Variants in MOGAT1 observed in about 807,000 individuals in gnomAD.
The protein encoded by MOGAT1 is monoacylglycerol O-acyltransferase 1.
In MOGAT1, 32 loss-of-function variants were observed where a neutral mutation model predicts 31.4. The ratio of observed to expected loss-of-function variants is 1.02; its 90% CI spans 0.77 to 1.37. The LOEUF (loss-of-function observed/expected upper bound fraction) is 1.37, where lower values mean the gene tolerates loss of function less well. Among genes scored for constraint, MOGAT1 ranks in the 40% most tolerant of loss-of-function variants. MOGAT1 has a pLI of 0.00. For missense variants in MOGAT1, 426 were observed against 402.0 expected (o/e 1.06, Z -0.51); for synonymous variants, 145 against 144.5 (o/e 1.00, Z -0.03).
intron 5 of MOGAT1, among the ~76,000 whole-genome samples, chr2:222,704,583 C>T (rs540135904): frequency 5.7e-4 from 86 of 151,880 alleles, no homozygotes; most frequent in African/African-American, 2.0e-3. Context: ...GAGATCGCGC[C>T]ACTGCACTCC....
At chr2:222,696,007 C>G (rs1341367360) in intron 5 of MOGAT1, among the ~76,000 whole-genome samples, 1 of 152,220 alleles carries the variant, frequency 6.6e-6, no homozygotes, top group Non-Finnish European at 1.5e-5. Context: ...TGAGTGAGAA[C>G]ATACGATGTT....
chr2:222,704,397 G>A (rs1253285087), intron 5 of MOGAT1, among the ~76,000 whole-genome samples: 2 of 152,080 alleles, frequency 1.3e-5, no homozygotes, highest in Non-Finnish European at 2.9e-5. Flanking sequence ...GGCTGAGGCG[G>A]GTAGATCACG....
At chr2:222,709,306 GT>G (rs376645774) in intron 5 of MOGAT1, among the ~76,000 whole-genome samples, 26 of 152,300 alleles carry the variant, frequency 1.7e-4, no homozygotes, top group African/African-American at 6.3e-4. Context: ...GGGTGACAGA[GT>G]AAGACTCTGT....
In MOGAT1 at chr2:222,689,282, T is replaced by C. The variant is rs1692723695; in HGVS notation, c.291T>C (p.Asp97=). The change falls in exon 3 of 6, where the codon GAT becomes GAC. Residue 97 remains aspartate, a synonymous_variant. Coordinates refer to ENST00000446656, the MANE Select transcript of MOGAT1 (RefSeq NM_058165.3). Reference sequence around the variant, plus strand: ...TGCTGTAGCTTATCAAAACTCAAGATTTGGATCCAAGTCACAACTATATAT... The same window carrying C: ...TGCTGTAGCTTATCAAAACTCAAGACTTGGATCCAAGTCACAACTATATAT... ...YFPIHLIKTQ[D]LDPSHNYIFG... 6.2e-7 allele frequency: 1 copy of C among 1,613,586 alleles called. No individual in the cohort carries two copies. The highest frequency in any genetic ancestry group is 8.5e-7 in the Non-Finnish European group (1 of 1,179,618).
At chr2:222,684,618 C>G (rs1012953730) in intron 1 of MOGAT1, among the ~76,000 whole-genome samples, 1 of 151,968 alleles carries the variant, frequency 6.6e-6, no homozygotes, top group East Asian at 1.9e-4. Context: ...GCCCTGTCAC[C>G]CGGGCTGAAG....
chr2:222,703,256 C>A (rs1207892475), intron 5 of MOGAT1, among the ~76,000 whole-genome samples: 1 of 152,190 alleles, frequency 6.6e-6, no homozygotes, highest in African/African-American at 2.4e-5. Flanking sequence ...TTTCTCTTGG[C>A]CTGTCTCCAC....
In MOGAT1 at chr2:222,688,480, T is replaced by C. The variant is rs755814579; in HGVS notation, c.231T>C (p.Asn77=). 1.9e-5 allele frequency: 31 copies of C among 1,613,596 alleles called. No individual in the cohort carries two copies. The highest frequency in any genetic ancestry group is 1.6e-4 in the South Asian group (15 of 90,990). ...GCAGGAGATCCAGCTGGATCAAAAA[T>C]TGGACTCTTTGGAAACACTTTAAGG... is the stretch of plus-strand genomic sequence containing the variant. The part of the protein sequence containing the change: ...RGGRRSSWIK[N]WTLWKHFKDY... Residue 77 remains asparagine, a synonymous_variant, in exon 2 of 6, where the codon AAT becomes AAC. Transcript: ENST00000446656.
intron 5 of MOGAT1, among the ~76,000 whole-genome samples, chr2:222,701,210 A>C (rs926315110): frequency 6.6e-6 from 1 of 151,852 alleles, no homozygotes; most frequent in Non-Finnish European, 1.5e-5. Context: ...AAGTGAGCGG[A>C]GATCGTGCCA....
At chr2:222,693,165 A>G (rs1692787250) in intron 3 of MOGAT1, among the ~76,000 whole-genome samples, 1 of 152,236 alleles carries the variant, frequency 6.6e-6, no homozygotes, top group Non-Finnish European at 1.5e-5. Flanking sequence ...GATAAAACCC[A>G]GAATGGAAAG....
chr2:222,672,049 G>T (rs1268321876), intron 1 of MOGAT1, among the ~76,000 whole-genome samples, 170 bp downstream of exon 1: 1 of 152,194 alleles, frequency 6.6e-6, no homozygotes, highest in Non-Finnish European at 1.5e-5. Context: ...TTCCTCACGA[G>T]AACCTCATCG....
chr2:222,695,312 C>CA, intron 5 of MOGAT1, 24 bp downstream of exon 5: 1 of 1,493,688 alleles, frequency 6.7e-7, no homozygotes, highest in Non-Finnish European at 9.2e-7. Flanking sequence ...ATAACTACAA[C>CA]TATTAGCTTA....
chr2:222,707,330 A>G (rs1235683263), intron 5 of MOGAT1, among the ~76,000 whole-genome samples: 3 of 143,070 alleles, frequency 2.1e-5, no homozygotes, highest in African/African-American at 7.9e-5. Context: ...AAGGAGAAAG[A>G]AAGAAAAAGA....
intron 1 of MOGAT1, among the ~76,000 whole-genome samples, chr2:222,678,557 G>A (rs1692531737): frequency 6.6e-6 from 1 of 152,160 alleles, no homozygotes; most frequent in Non-Finnish European, 1.5e-5. Flanking sequence ...TCTTAACAAT[G>A]TCTTTTGAAG....
At chr2:222,687,113 CAAAAAAA>C (rs1177781176) in intron 1 of MOGAT1, among the ~76,000 whole-genome samples, 153 of 22,442 alleles carry the variant, frequency 6.8e-3, no homozygotes, top group African/African-American at 0.018. Flanking sequence ...GACTCCATCT[CAAAAAAA>C]AAAAAAAAAA....
intron 1 of MOGAT1, among the ~76,000 whole-genome samples, chr2:222,687,319 G>A (rs1218903628): frequency 6.6e-6 from 1 of 152,028 alleles, no homozygotes; most frequent in East Asian, 1.9e-4. Context: ...AAGAGTTTGG[G>A]GGTGGAAATG....
intron 1 of MOGAT1, among the ~76,000 whole-genome samples, chr2:222,672,888 G>T (rs918800240): frequency 1.2e-4 from 8 of 64,524 alleles, no homozygotes; most frequent in Admixed American, 5.4e-4. Flanking sequence ...CCTGGAATTT[G>T]TTTATTATTA....
chr2:222,699,835 C>T (rs984143071), intron 5 of MOGAT1, among the ~76,000 whole-genome samples: 18 of 152,076 alleles, frequency 1.2e-4, no homozygotes, highest in African/African-American at 3.6e-4. Context: ...CTTCCTTTTA[C>T]GAGATGGTGT....
In MOGAT1 at chr2:222,694,385, A is replaced by C. The variant is rs907801400; in HGVS notation, c.502A>C (p.Ser168Arg). Residue 168 changes from serine (S) to arginine (R), a missense_variant, in exon 4 of 6, where the codon AGT becomes CGT. By Grantham distance (110) the Ser-to-Arg change is moderately radical. Coordinates refer to ENST00000446656, the MANE Select transcript of MOGAT1 (RefSeq NM_058165.3). ...SVGLVSVSKK[S>R]VSYMVSKEGG... ...AGGGCTGGTTTCAGTTTCCAAGAAA[A>C]GTGTGTCCTACATGGTAAGCAAGGA... is the stretch of plus-strand genomic sequence containing the variant. 2 of 1,609,524 alleles carry C rather than the reference A, an allele frequency of 1.2e-6. No homozygotes were observed. The highest frequency in any genetic ancestry group is 2.7e-5 in the African/African-American group (2 of 74,764).
intron 5 of MOGAT1, among the ~76,000 whole-genome samples, chr2:222,706,911 G>A (rs1161336972): frequency 6.6e-6 from 1 of 152,190 alleles, no homozygotes; most frequent in African/African-American, 2.4e-5. Context: ...TAAGGCCAGA[G>A]AGGCTGGCTG....
Sources: gnomAD v4.1 joint callset for allele counts (sites outside exome capture counted in the v4.1 genomes callset) on GRCh38, gnomAD v4.1.1 for gene constraint, MANE v1.5 for transcripts, NCBI Gene and HGNC (gene_info 2026-07-23, HGNC 2026-07-21) for gene names.